COL4A4: variants seen among roughly 807,000 people sequenced by gnomAD.
COL4A4 encodes the protein collagen alpha-4(IV) chain.
Under a neutral mutation model 192.9 loss-of-function variants are expected in COL4A4, and 105 were observed. The ratio of observed to expected loss-of-function variants is 0.54; its 90% CI spans 0.46 to 0.64. The LOEUF (loss-of-function observed/expected upper bound fraction) is 0.64, where lower values mean the gene tolerates loss of function less well. COL4A4 is among the 30% of genes least tolerant of loss of function. COL4A4 has a pLI of 0.00. For synonymous variants in COL4A4, 762 were observed against 769.9 expected (o/e 0.99, Z 0.17); for missense variants, 1,967 against 2,169.3 (o/e 0.91, Z 1.85).
chr2:227,139,424 A>G (rs2063044889), intron 4 of COL4A4, among the ~76,000 whole-genome samples: 1 of 152,250 alleles, frequency 6.6e-6, no homozygotes, highest in South Asian at 2.1e-4. Context: ...CTTTATCACA[A>G]ATGAATTAGT....
chr2:227,020,672 G>T (rs893337841), intron 44 of COL4A4, among the ~76,000 whole-genome samples: 2 of 146,544 alleles, frequency 1.4e-5, no homozygotes, highest in African/African-American at 5.5e-5. Flanking sequence ...GGGGCAGTGA[G>T]GGGGGGTGAA....
chr2:227,135,104 A>G (rs2062727536), intron 4 of COL4A4, among the ~76,000 whole-genome samples: 1 of 152,208 alleles, frequency 6.6e-6, no homozygotes, highest in Non-Finnish European at 1.5e-5. Context: ...ACCCTTAAAG[A>G]TGGGCCATAG....
intron 30 of COL4A4, 105 bp downstream of exon 30, chr2:227,055,840 G>A: frequency 9.6e-7 from 1 of 1,038,758 alleles, no homozygotes; most frequent in Non-Finnish European, 1.4e-6. Context: ...GACAAAGCCA[G>A]ACTAACAGTT....
In COL4A4 at chr2:227,060,118, A is replaced by AAAAAC; in HGVS notation, c.2164+17_2164+18insGTTTT. On this transcript the variant is annotated intron_variant, in intron 27 of 47. Coordinates refer to ENST00000396625, the MANE Select transcript of COL4A4 (RefSeq NM_000092.5). ...CCAAAGCAGAAAAAAAAAAAAAAAA[A>AAAAAC]AAAAAAACCTCACTGACCAGGTGGA... 1.5e-6 allele frequency: 2 copies of AAAAAC among 1,372,246 alleles called. No individual in the cohort carries two copies. The highest frequency in any genetic ancestry group is 2.6e-5 in the South Asian group (2 of 78,086). The allele number at this position is 1,372,246 out of a possible 1,614,324, so 85.0% of individuals were successfully genotyped here.
At chr2:227,014,416 T>G (rs1575749200) in intron 44 of COL4A4, among the ~76,000 whole-genome samples, 1 of 152,230 alleles carries the variant, frequency 6.6e-6, no homozygotes, top group Non-Finnish European at 1.5e-5. Context: ...TTAAAACTCT[T>G]TCCGGTGATG....
intron 32 of COL4A4, 105 bp from the exon 33 acceptor site, chr2:227,051,263 T>A: frequency 1.7e-6 from 2 of 1,176,054 alleles, no homozygotes; most frequent in African/African-American, 1.5e-5. Flanking sequence ...CCAAAGGTAT[T>A]GAGGATTCTG....
intron 1 of COL4A4, among the ~76,000 whole-genome samples, chr2:227,149,531 C>T (rs1174770280): frequency 6.6e-6 from 1 of 152,064 alleles, no homozygotes; most frequent in African/African-American, 2.4e-5. Flanking sequence ...CAAAATAAGG[C>T]AGGTTGGACA....
At chr2:227,090,314 C>T (rs1481657284) in intron 20 of COL4A4, among the ~76,000 whole-genome samples, 1 of 152,012 alleles carries the variant, frequency 6.6e-6, no homozygotes, top group Admixed American at 6.6e-5. Flanking sequence ...ACTCAGTGAT[C>T]AATTCTTAGC....
intron 24 of COL4A4, among the ~76,000 whole-genome samples, chr2:227,079,454 C>A (rs771675510): frequency 4.6e-5 from 7 of 152,216 alleles, no homozygotes; most frequent in Non-Finnish European, 7.3e-5. Flanking sequence ...CATTCACATA[C>A]TTGTGATCAG....
intron 13 of COL4A4, 31 bp from the exon 14 acceptor site, chr2:227,103,228 A>G (rs750714239): frequency 1.3e-6 from 2 of 1,534,952 alleles, no homozygotes; most frequent in South Asian, 1.2e-5. Flanking sequence ...AATTTGGTCT[A>G]TTCTTATTAT....
chr2:227,095,850 G>A (rs1234219221), intron 19 of COL4A4, among the ~76,000 whole-genome samples: 9 of 152,140 alleles, frequency 5.9e-5, no homozygotes, highest in Non-Finnish European at 8.8e-5. Flanking sequence ...AGCCAAGATC[G>A]TGTCATTGCA....
rs1440342381 is a variant in COL4A4 at position 227,100,322 on chromosome 2, A to G, written c.1030-633T>C. 3.3e-5 allele frequency among the ~76,000 whole-genome samples: 5 copies of G among 151,726 alleles called. No homozygotes were observed. The East Asian group carries it at 9.7e-4, about 29-fold the overall frequency. ...TCACCTTCAAAAGGATCACTTCTCA[A>G]ATGTAGAACATAATAATGCTTAATA... On this transcript the variant is annotated intron_variant, in intron 17 of 47. Transcript: ENST00000396625.
intron 1 of COL4A4, among the ~76,000 whole-genome samples, chr2:227,148,630 T>C (rs2063708630): frequency 6.6e-6 from 1 of 152,208 alleles, no homozygotes; most frequent in African/African-American, 2.4e-5. Context: ...TTGTGAATTA[T>C]ATTTTTATTG....
rs773342435 is a variant in COL4A4 at position 227,007,339 on chromosome 2, C to G, written c.5059G>C (p.Val1687Leu). Residue 1687 changes from valine (V) to leucine (L), a missense_variant, in exon 48 of 48, where the codon GTG (valine) becomes CTG (leucine). By Grantham distance (32) the Val-to-Leu change is conservative. Transcript: ENST00000396625. ...RQKISRCQVC[V>L]KYS ...TTTCGCATTCTCTAGCTATACTTCA[C>G]GCAGACCTGGCACCGGCTGATTTTC... is the stretch of plus-strand genomic sequence containing the variant. The G allele has an allele frequency of 1.9e-6, 3 of 1,614,220 alleles. No individual in the cohort carries two copies. The highest frequency in any genetic ancestry group is 1.1e-5 in the South Asian group (1 of 91,080).
intron 7 of COL4A4, 42 bp from the exon 8 acceptor site, chr2:227,114,738 A>G: frequency 1.4e-6 from 2 of 1,432,824 alleles, no homozygotes; most frequent in Non-Finnish European, 2.0e-6. Flanking sequence ...AAAATAGCAT[A>G]TTACCATTTC....
chr2:226,981,255 T>C, the COL4A4 span, among the ~76,000 whole-genome samples: 1 of 151,984 alleles, frequency 6.6e-6, no homozygotes, highest in Non-Finnish European at 1.5e-5. Flanking sequence ...CTGGGAGAAA[T>C]ACCTAATGTA....
At chr2:227,082,572 C>T (rs1399394795) in intron 22 of COL4A4, among the ~76,000 whole-genome samples, 1 of 152,140 alleles carries the variant, frequency 6.6e-6, no homozygotes, top group Non-Finnish European at 1.5e-5. Flanking sequence ...GAGTCAACTA[C>T]CTCAAATTAA....
chr2:227,114,265 G>A (rs142684636), intron 8 of COL4A4, among the ~76,000 whole-genome samples: 1,699 of 152,312 alleles, frequency 0.011, 26 homozygotes, highest in African/African-American at 0.038. Context: ...TGCTATTGGC[G>A]TCTAATGAGT....
rs184755865 is a variant in COL4A4, at chr2:227,088,709, G to A, written c.1567C>T (p.Leu523Phe). 10 of 1,614,152 alleles carry A rather than the reference G, an allele frequency of 6.2e-6. No individual in the cohort carries two copies. The East Asian group carries it at 2.2e-4, about 36-fold the overall frequency. The change falls in exon 22 of 48, where the codon CTT becomes TTT. Residue 523 changes from leucine (L) to phenylalanine (F), a missense_variant. Transcript: ENST00000396625. ...SKGDLGLPGW[L>F]GTKGDPGPPG... ...GGTCCTGGGTCACCTTTTGTTCCAA[G>A]CCAGCCAGGGAGCCCCAAGTCTCCC...
Sources: gnomAD v4.1 joint callset for allele counts (sites outside exome capture counted in the v4.1 genomes callset) on GRCh38, gnomAD v4.1.1 for gene constraint, MANE v1.5 for transcripts, NCBI Gene and HGNC (gene_info 2026-07-23, HGNC 2026-07-21) for gene names.